The following MME variants were observed in gnomAD, a reference collection of about 807,000 sequenced individuals.
MME encodes neprilysin.
MME carries 98 observed loss-of-function variants against 113.2 expected under a neutral mutation model. That is an observed-to-expected ratio of 0.87 (90% CI 0.74 to 1.02). The LOEUF (loss-of-function observed/expected upper bound fraction) is 1.02, where lower values mean the gene tolerates loss of function less well. Among genes scored for constraint, MME ranks in the 50% least tolerant of loss-of-function variants. MME has a pLI of 0.00. For synonymous variants in MME, 292 were observed against 300.6 expected, an observed-to-expected ratio of 0.97 and a Z score of 0.30; for missense variants, 836 against 896.0, an observed-to-expected ratio of 0.93 and a Z score of 0.86.
intron 16 of MME, among the ~76,000 whole-genome samples, chr3:155,157,468 C>T (rs1395030786): frequency 6.6e-6 from 1 of 152,098 alleles, no homozygotes; most frequent in Non-Finnish European, 1.5e-5. Flanking sequence ...TGTGAATTTT[C>T]TCTTCTCTGT....
At chr3:155,070,817 TCTGCCAAA>T (rs1714526158) in intron 1 of MME, among the ~76,000 whole-genome samples, 1 of 152,280 alleles carries the variant, frequency 6.6e-6, no homozygotes, top group South Asian at 2.1e-4. Context: ...AATCCGCACC[TCTGCCAAA>T]CATCAGAGTC....
chr3:155,153,089 T>G (rs1189305388), intron 16 of MME, among the ~76,000 whole-genome samples: 2 of 150,824 alleles, frequency 1.3e-5, no homozygotes, highest in East Asian at 2.0e-4. Flanking sequence ...CAGGTTGGAG[T>G]GCAGTGACAC....
At chr3:155,116,455 A>G (rs200444530) in intron 4 of MME, 24 bp from the exon 5 acceptor site, 5 of 1,520,298 alleles carry the variant, frequency 3.3e-6, no homozygotes, top group Non-Finnish European at 4.6e-6. Flanking sequence ...ATGTTGATGC[A>G]TTTTATTAAA....
chr3:155,171,870 G>T (rs2108373769), intron 20 of MME, among the ~76,000 whole-genome samples: 1 of 152,212 alleles, frequency 6.6e-6, no homozygotes, highest in Admixed American at 6.5e-5. Flanking sequence ...GACATTTATT[G>T]ATCACTTGAC....
chr3:155,037,668 C>T (rs954421052), intron 1 of MME, among the ~76,000 whole-genome samples: 4 of 152,052 alleles, frequency 2.6e-5, no homozygotes, highest in Non-Finnish European at 4.4e-5. Context: ...GGAAGACAAC[C>T]GTGAGAAGGA....
intron 8 of MME, among the ~76,000 whole-genome samples, chr3:155,122,310 T>G (rs1203904096): frequency 6.6e-6 from 1 of 151,210 alleles, no homozygotes; most frequent in East Asian, 1.9e-4. Flanking sequence ...TTCTCTCTTT[T>G]TTTCTTTATT....
At chr3:155,153,776 A>G (rs1337275967) in intron 16 of MME, among the ~76,000 whole-genome samples, 1 of 152,178 alleles carries the variant, frequency 6.6e-6, no homozygotes, top group Non-Finnish European at 1.5e-5. Context: ...GCATACTGAC[A>G]TTGACAGGAG....
At chr3:155,169,013 G>T in intron 20 of MME, 1 of 513,774 alleles carries the variant, frequency 1.9e-6, no homozygotes, top group Admixed American at 3.4e-5. Flanking sequence ...TTTGCAAAGA[G>T]CCAAGAAGAA....
rs181157449 is a variant in MME at position 155,052,608 on chromosome 3, G to A, written c.-11+28284G>A. 8.1e-4 allele frequency among the ~76,000 whole-genome samples: 123 copies of A among 152,336 alleles called. 1 individual carries two copies. Among genetic ancestry groups the A allele is most frequent in the Admixed American group, 5.7e-3 (88 of 15,310 alleles). On this transcript the variant is annotated intron_variant, in intron 1 of 22. Transcript: ENST00000492661. The stretch of plus-strand genomic sequence containing the variant: ...AAGTAGCTGGGATGTGGGGCACCAC[G>A]TATTGAGGCTGCACAGGGCAGGGGG...
chr3:155,128,894 C>T (rs1004369321), intron 8 of MME, among the ~76,000 whole-genome samples: 5 of 152,120 alleles, frequency 3.3e-5, no homozygotes, highest in South Asian at 2.1e-4. Flanking sequence ...CCCTTGATTC[C>T]GGGAAACATG....
In MME at chr3:155,133,062, A is replaced by AAT. The variant is rs1553762420; in HGVS notation, c.721-5023_721-5022dup. Among the ~76,000 whole-genome samples the AAT allele has an allele frequency of 7.5e-3, 562 of 74,984 alleles. 27 individuals carry two copies. Among genetic ancestry groups the AAT allele is most frequent in the African/African-American group, 0.018 (274 of 15,184 alleles). 49.2% of individuals were successfully genotyped at this position (74,984 alleles called of 152,430 possible). The stretch of plus-strand genomic sequence containing the variant: ...TCTAAAAAAAAAAAAAAAAAAAAAA[A>AAT]ATATATATATATATATATGTATAAA... On this transcript the variant is annotated intron_variant, in intron 8 of 22. Transcript: ENST00000360490.
chr3:155,052,976 C>G (rs1713810240), intron 1 of MME, among the ~76,000 whole-genome samples: 1 of 152,194 alleles, frequency 6.6e-6, no homozygotes, highest in Non-Finnish European at 1.5e-5. Flanking sequence ...AGGGCAGGAG[C>G]AAAATGCCAC....
In MME at chr3:155,152,636, T is replaced by C. The variant is rs921294828; in HGVS notation, c.1601+3983T>C. ...TGGGCGGATCACTTGAGGTCAGGAG[T>C]TTGAGACCAGCCTGGGCAACATGGT... On this transcript the variant is annotated intron_variant, in intron 16 of 22. Transcript: ENST00000360490. 8.6e-5 allele frequency among the ~76,000 whole-genome samples: 13 copies of C among 151,030 alleles called. 1 individual carries two copies. The highest frequency in any genetic ancestry group is 1.6e-4 in the Non-Finnish European group (11 of 67,786).
chr3:155,173,970 T>G (rs1192245719), intron 22 of MME, among the ~76,000 whole-genome samples: 1 of 152,072 alleles, frequency 6.6e-6, no homozygotes, highest in Non-Finnish European at 1.5e-5. Context: ...AGGATTAACG[T>G]TAATATAAAT....
At chr3:155,120,339 C>A (rs1213841167) in intron 8 of MME, among the ~76,000 whole-genome samples, 1 of 110,450 alleles carries the variant, frequency 9.1e-6, no homozygotes. Flanking sequence ...GAGTAGGTTG[C>A]GAAAATTTTC....
intron 20 of MME, among the ~76,000 whole-genome samples, chr3:155,170,828 T>C (rs1711853701): frequency 6.6e-6 from 1 of 152,192 alleles, no homozygotes; most frequent in Non-Finnish European, 1.5e-5. Flanking sequence ...TGATATGGCC[T>C]GAAAACTCTC....
intron 8 of MME, among the ~76,000 whole-genome samples, chr3:155,133,397 T>C (rs1720329363): frequency 1.3e-5 from 2 of 151,708 alleles, no homozygotes; most frequent in African/African-American, 4.8e-5. Context: ...ACTATATGCT[T>C]CCAGTTTTCT....
chr3:155,143,360 G>T, intron 12 of MME, 83 bp from the exon 13 acceptor site: 2 of 1,487,078 alleles, frequency 1.3e-6, no homozygotes, highest in Non-Finnish European at 1.9e-6. Flanking sequence ...GAACTTAGAT[G>T]AGACATTTGT....
chr3:155,050,624 G>T (rs913804139), intron 1 of MME, among the ~76,000 whole-genome samples: 1 of 152,052 alleles, frequency 6.6e-6, no homozygotes, highest in Non-Finnish European at 1.5e-5. Flanking sequence ...TTGCATGTAT[G>T]TTTTCTTTTG....
Sources: allele counts gnomAD v4.1 joint callset (sites outside exome capture counted in the v4.1 genomes callset), GRCh38; gene constraint gnomAD v4.1.1; transcripts MANE v1.5; gene names NCBI Gene and HGNC (gene_info 2026-07-23, HGNC 2026-07-21).